TTC29: variants seen among roughly 807,000 people sequenced by gnomAD.
TTC29 encodes tetratricopeptide repeat protein 29.
TTC29 carries 49 observed loss-of-function variants against 58.1 expected under a neutral mutation model. The ratio of observed to expected loss-of-function variants is 0.84; its 90% CI spans 0.67 to 1.07. The LOEUF (loss-of-function observed/expected upper bound fraction) is 1.07, where lower values mean the gene tolerates loss of function less well. Ranked by LOEUF, TTC29 falls within the 50% of genes least tolerant of loss-of-function variation. The pLI is 0.00. For synonymous variants in TTC29, 209 were observed against 196.8 expected (o/e 1.06, Z -0.52); for missense variants, 582 against 555.6 (o/e 1.05, Z -0.48).
chr4:146,913,606 T>C (rs13122121), intron 4 of TTC29, among the ~76,000 whole-genome samples: 34,632 of 151,816 alleles, frequency 0.23, 4,227 homozygotes, highest in Admixed American at 0.3. Flanking sequence ...GTGTAGGAGG[T>C]TGCTGGTGCT....
At chr4:146,743,848 C>G (rs1253157156) in intron 11 of TTC29, among the ~76,000 whole-genome samples, 1 of 152,210 alleles carries the variant, frequency 6.6e-6, no homozygotes, top group African/African-American at 2.4e-5. Flanking sequence ...CTGGGGTTGA[C>G]CTCAGGAAGA....
chr4:146,893,648 A>G (rs992060022), intron 6 of TTC29, among the ~76,000 whole-genome samples: 3 of 152,192 alleles, frequency 2.0e-5, no homozygotes, highest in African/African-American at 7.2e-5. Context: ...CTAAAACACC[A>G]AAAGCAATGG....
intron 11 of TTC29, among the ~76,000 whole-genome samples, chr4:146,713,358 T>C (rs571683213): frequency 6.6e-6 from 1 of 152,172 alleles, no homozygotes; most frequent in South Asian, 2.1e-4. Flanking sequence ...CTTTCTCATC[T>C]TACAGTTTTG....
chr4:146,782,837 ATTATT>A (rs1056467019), intron 11 of TTC29, among the ~76,000 whole-genome samples: 17 of 152,116 alleles, frequency 1.1e-4, no homozygotes, highest in African/African-American at 3.6e-4. Flanking sequence ...GGCAAGGAAT[ATTATT>A]TTATTTAAGT....
intron 11 of TTC29, among the ~76,000 whole-genome samples, chr4:146,783,972 C>T (rs906839991): frequency 6.6e-6 from 1 of 151,896 alleles, no homozygotes; most frequent in Non-Finnish European, 1.5e-5. Context: ...TCATTTCTAT[C>T]TCTAACCTTT....
chr4:146,940,057 G>A (rs1387431536), intron 2 of TTC29, among the ~76,000 whole-genome samples, 156 bp from the exon 3 acceptor site: 1 of 152,142 alleles, frequency 6.6e-6, no homozygotes, highest in Non-Finnish European at 1.5e-5. Flanking sequence ...CTCAGTGAGT[G>A]GATTCTGCAG....
chr4:146,820,952 A>C (rs1751774724), intron 9 of TTC29, among the ~76,000 whole-genome samples: 1 of 152,100 alleles, frequency 6.6e-6, no homozygotes, highest in African/African-American at 2.4e-5. Context: ...GAATGGCATG[A>C]ACCTGGGAGG....
At chr4:146,790,923 G>T (rs1186595722) in intron 11 of TTC29, among the ~76,000 whole-genome samples, 4 of 152,162 alleles carry the variant, frequency 2.6e-5, no homozygotes, top group Non-Finnish European at 5.9e-5. Flanking sequence ...TTGTTACATA[G>T]CTTTAGTATA....
At chr4:146,738,895 C>A (rs1027778403) in intron 11 of TTC29, among the ~76,000 whole-genome samples, 2 of 152,126 alleles carry the variant, frequency 1.3e-5, no homozygotes, top group Non-Finnish European at 2.9e-5. Flanking sequence ...GTGGGTGGCA[C>A]CCAGGGAGGG....
At chr4:146,892,599 A>G (rs1187364424) in intron 6 of TTC29, among the ~76,000 whole-genome samples, 2 of 152,176 alleles carry the variant, frequency 1.3e-5, no homozygotes, top group Non-Finnish European at 2.9e-5. Context: ...CAAAAACTGG[A>G]AGCATTCCCT....
intron 11 of TTC29, among the ~76,000 whole-genome samples, chr4:146,787,498 C>CTAT (rs1418192757): frequency 5.9e-5 from 9 of 152,274 alleles, no homozygotes; most frequent in Admixed American, 5.9e-4. Flanking sequence ...TAGTTGTTTG[C>CTAT]TATTAAGACT....
At chr4:146,937,444 A>G in intron 4 of TTC29, 150 bp downstream of exon 4, 1 of 580,644 alleles carries the variant, frequency 1.7e-6, no homozygotes, top group South Asian at 2.2e-5. Flanking sequence ...ATCAATAGAC[A>G]TGACTTATCA....
chr4:146,773,433 T>C (rs551272948), intron 11 of TTC29, among the ~76,000 whole-genome samples: 5 of 152,232 alleles, frequency 3.3e-5, no homozygotes, highest in African/African-American at 7.2e-5. Flanking sequence ...TGAAGAGATA[T>C]TCAGTTTTAT....
intron 11 of TTC29, among the ~76,000 whole-genome samples, chr4:146,795,935 T>C (rs1579692090): frequency 6.6e-6 from 1 of 152,206 alleles, no homozygotes; most frequent in Non-Finnish European, 1.5e-5. Flanking sequence ...GGTAAGACCC[T>C]TGCTGAGAAT....
At chr4:146,754,576 C>A (rs1294232603) in intron 11 of TTC29, among the ~76,000 whole-genome samples, 2 of 152,146 alleles carry the variant, frequency 1.3e-5, no homozygotes, top group Admixed American at 6.6e-5. Context: ...TATCTCCTGA[C>A]CAAGTGGGAT....
At chr4:146,881,858 T>C (rs1731648444) in intron 6 of TTC29, among the ~76,000 whole-genome samples, 1 of 152,090 alleles carries the variant, frequency 6.6e-6, no homozygotes, top group African/African-American at 2.4e-5. Flanking sequence ...ATAGCATCCC[T>C]AATACACTGA....
intron 4 of TTC29, among the ~76,000 whole-genome samples, chr4:146,931,441 G>A (rs1735329601): frequency 6.6e-6 from 1 of 152,128 alleles, no homozygotes; most frequent in African/African-American, 2.4e-5. Flanking sequence ...TCTGAATTGA[G>A]TGTCGTCTAC....
intron 11 of TTC29, among the ~76,000 whole-genome samples, chr4:146,730,934 T>A (rs1053947005): frequency 6.6e-6 from 1 of 152,024 alleles, no homozygotes; most frequent in African/African-American, 2.4e-5. Flanking sequence ...TAGTAATTGG[T>A]AGAGATTGTG....
chr4:146,739,695 G>T (rs1489262432), intron 11 of TTC29, among the ~76,000 whole-genome samples: 1 of 152,102 alleles, frequency 6.6e-6, no homozygotes, highest in African/African-American at 2.4e-5. Context: ...ATCTGTGTAG[G>T]CTGTCTTTTA....
Sources: allele counts gnomAD v4.1 joint callset (sites outside exome capture counted in the v4.1 genomes callset), GRCh38; gene constraint gnomAD v4.1.1; transcripts MANE v1.5; gene names NCBI Gene and HGNC (gene_info 2026-07-23, HGNC 2026-07-21).